The following SLX4 variants were observed in gnomAD, a reference collection of about 807,000 sequenced individuals.
SLX4 encodes structure-specific endonuclease subunit SLX4.
SLX4 carries 112 observed loss-of-function variants against 146.2 expected under a neutral mutation model. The ratio of observed to expected loss-of-function variants is 0.77; its 90% CI spans 0.66 to 0.90. SLX4 has a LOEUF of 0.90. Ranked by LOEUF, SLX4 falls within the 40% of genes least tolerant of loss-of-function variation. SLX4 has a pLI of 0.00. For missense variants in SLX4, 2,563 were observed against 2,392.7 expected (o/e 1.07, Z -1.49); for synonymous variants, 1,061 against 997.7 (o/e 1.06, Z -1.20).
At chr16:3,598,541 A>G (rs1000613717) in intron 5 of SLX4, among the ~76,000 whole-genome samples, 5 of 152,224 alleles carry the variant, frequency 3.3e-5, no homozygotes, top group African/African-American at 1.2e-4. Context: ...TTCAACGGGC[A>G]GCAGCTCGTT....
At chr16:3,596,845 C>T (rs2040665871) in intron 7 of SLX4, among the ~76,000 whole-genome samples, 1 of 146,536 alleles carries the variant, frequency 6.8e-6, no homozygotes. Context: ...TTTTTCAAGA[C>T]AGAGTCTCAC....
At chr16:3,606,437 T>G (rs1376571667) in intron 3 of SLX4, 37 bp downstream of exon 3, 1 of 1,605,262 alleles carries the variant, frequency 6.2e-7, no homozygotes, top group African/African-American at 1.3e-5. Context: ...TGTATTAACT[T>G]ATCTCTGTGT....
chr16:3,591,718 G>C (rs2040597475), intron 11 of SLX4, among the ~76,000 whole-genome samples: 2 of 152,158 alleles, frequency 1.3e-5, no homozygotes, highest in South Asian at 4.1e-4. Context: ...AAGGCCGGGA[G>C]TTTGAGATCA....
rs201826765 is a variant in SLX4 at position 3,589,636 on chromosome 16, G to A, written c.4002C>T (p.Asp1334=). The A allele has an allele frequency of 8.1e-6, 13 of 1,614,014 alleles. No individual in the cohort carries two copies. The African/African-American group carries it at 9.3e-5, about 12-fold the overall frequency. The change falls in exon 12 of 15, where the codon GAC becomes GAT. Residue 1334 remains aspartate, a synonymous_variant. Coordinates refer to ENST00000294008, the MANE Select transcript of SLX4 (RefSeq NM_032444.4). This position sits in a 1 kb window ranked among gnomAD's most constrained non-coding sequence, Gnocchi z 6.2. ...CLTPVSPGTS[D]GRRQGHRSPS... ...GGCTTCTGTGGCCTTGCCTTCTGCCGTCAGAAGTTCCTGGAGAGACGGGAG... is the reference window on the plus strand; with the variant it reads ...GGCTTCTGTGGCCTTGCCTTCTGCCATCAGAAGTTCCTGGAGAGACGGGAG...
At position 3,597,419 on chromosome 16, in the gene SLX4, G is replaced by C. The variant is rs1231729537; in HGVS notation, c.1643C>G (p.Ala548Gly). The stretch of plus-strand genomic sequence containing the variant: ...GGGCACGAGAGGAGGGACCAGCCTG[G>C]CCGTGTAGAAGTCCTCCATGGCCCA... ...GAWAMEDFYTARLVPPLVPQR... is the reference protein window; with the variant it reads ...GAWAMEDFYTGRLVPPLVPQR... Residue 548 changes from alanine to glycine, a missense_variant, in exon 7 of 15, where the codon GCC (alanine) becomes GGC (glycine). Coordinates refer to ENST00000294008, the MANE Select transcript of SLX4 (RefSeq NM_032444.4). The surrounding 1 kb of genome is among the most constrained non-coding windows in gnomAD (Gnocchi z 4.4). 1.7e-5 allele frequency: 27 copies of C among 1,603,380 alleles called. No individual in the cohort carries two copies. The highest frequency in any genetic ancestry group is 2.0e-5 in the Non-Finnish European group (24 of 1,175,028).
At chr16:3,595,376 G>A (rs2040639585) in intron 9 of SLX4, among the ~76,000 whole-genome samples, 1 of 152,220 alleles carries the variant, frequency 6.6e-6, no homozygotes, top group Non-Finnish European at 1.5e-5. Flanking sequence ...GTCACAGACA[G>A]AAAAGGCAGA....
At chr16:3,582,801 C>A in intron 14 of SLX4, 108 bp from the exon 15 acceptor site, 1 of 1,075,736 alleles carries the variant, frequency 9.3e-7, no homozygotes, top group South Asian at 1.3e-5. Flanking sequence ...TGGAGCCTGG[C>A]CTGTGGCACG....
intron 7 of SLX4, 117 bp from the exon 8 acceptor site, chr16:3,596,510 G>C (rs940836333): frequency 7.8e-7 from 1 of 1,282,872 alleles, no homozygotes; most frequent in Non-Finnish European, 1.1e-6. Flanking sequence ...CAGGATGTGG[G>C]CTGTGGGGAC....
intron 3 of SLX4, among the ~76,000 whole-genome samples, chr16:3,605,811 G>A (rs969899887): frequency 6.6e-6 from 1 of 151,804 alleles, no homozygotes; most frequent in Non-Finnish European, 1.5e-5. Context: ...GCCAGGCGTG[G>A]TGGTGGGAGC....
intron 14 of SLX4, among the ~76,000 whole-genome samples, 188 bp from the exon 15 acceptor site, chr16:3,582,881 G>C (rs2040456975): frequency 6.6e-6 from 1 of 152,212 alleles, no homozygotes; most frequent in Non-Finnish European, 1.5e-5. Context: ...GCCCCAGCCA[G>C]AAATGTCTAG....
At chr16:3,600,797 T>C (rs1289416575) in intron 5 of SLX4, 182 bp downstream of exon 5, 1 of 622,670 alleles carries the variant, frequency 1.6e-6, no homozygotes, top group African/African-American at 1.8e-5. Context: ...GATTGTACCA[T>C]GTCGGCCAGG....
Position 3,590,583 on chromosome 16 carries a change from A to G in SLX4, c.3055T>C (p.Ser1019Pro). 1 of 1,612,880 alleles carries G rather than the reference A, an allele frequency of 6.2e-7. No individual in the cohort carries two copies. The highest frequency in any genetic ancestry group is 1.1e-5 in the South Asian group (1 of 91,074). Residue 1019 changes from serine to proline, a missense_variant, in exon 12 of 15, where the codon TCT becomes CCT. Ser to Pro is a moderately conservative substitution (Grantham distance 74). Coordinates refer to ENST00000294008, the MANE Select transcript of SLX4 (RefSeq NM_032444.4). The surrounding 1 kb of genome is among the most constrained non-coding windows in gnomAD (Gnocchi z 4.8). ...GAVRERGLEV[S>P]HRLAPWQASP... The stretch of plus-strand genomic sequence containing the variant: ...GCCTGCCAGGGAGCCAGGCGATGAG[A>G]AACCTCCAGCCCCCTTTCCCTGACA...
chr16:3,603,192 T>A (rs548389625), intron 3 of SLX4, among the ~76,000 whole-genome samples: 9 of 152,284 alleles, frequency 5.9e-5, no homozygotes, highest in Admixed American at 5.2e-4. Context: ...TAGCTGGGAT[T>A]ACAGGTGCCC....
chr16:3,589,892 CT>C lies in SLX4; in HGVS notation c.3745del (p.Ser1249AlafsTer39), dbSNP rs776294939. ...CDRESSPSEA[S>X]TTDTSWLVPA... ...CACCAGCCACGAGGTGTCTGTGGTG[CT>C]GGCCTCGCTGGGGCTGCTCTCACGG... On this transcript the variant is annotated frameshift_variant, in exon 12 of 15. Transcript: ENST00000294008. LOFTEE classifies it high-confidence loss of function. The surrounding 1 kb of genome is among the most constrained non-coding windows in gnomAD (Gnocchi z 6.2). 6.2e-7 allele frequency: 1 copy of C among 1,613,820 alleles called. No homozygotes were observed. Among genetic ancestry groups the C allele is most frequent in the Non-Finnish European group, 8.5e-7 (1 of 1,179,996 alleles).
intron 14 of SLX4, 126 bp from the exon 15 acceptor site, chr16:3,582,819 G>T: frequency 1.0e-6 from 1 of 962,792 alleles, no homozygotes; most frequent in Non-Finnish European, 1.6e-6. Flanking sequence ...ACGATCCCCA[G>T]CAAGGCAGGA....
chr16:3,589,206 TG>T lies in SLX4; in HGVS notation c.4431del (p.Ile1478SerfsTer29), dbSNP rs2040544014. 6.2e-7 allele frequency: 1 copy of T among 1,613,748 alleles called. No individual in the cohort carries two copies. The highest frequency in any genetic ancestry group is 8.5e-7 in the Non-Finnish European group (1 of 1,179,772). On this transcript the variant is annotated frameshift_variant, in exon 12 of 15. Transcript: ENST00000294008. LOFTEE classifies it high-confidence loss of function. The surrounding 1 kb of genome is among the most constrained non-coding windows in gnomAD (Gnocchi z 6.2). Reference sequence around the variant, plus strand: ...CTCTGGGTAGTGCAGCTTCCTCGGATGGGGGTGGTGTCCAGGAGTCCCGGGG... The same window carrying T: ...CTCTGGGTAGTGCAGCTTCCTCGGATGGGGTGGTGTCCAGGAGTCCCGGGG... ...CRSPGLLDTTPIRGSCTTQRK... is the reference protein window; with the variant it reads ...CRSPGLLDTTXIRGSCTTQRK...
In SLX4 at chr16:3,590,384, TC is replaced by T; in HGVS notation, c.3253del (p.Asp1085ThrfsTer31). 6.2e-7 allele frequency: 1 copy of T among 1,614,208 alleles called. No homozygotes were observed. The highest frequency in any genetic ancestry group is 8.5e-7 in the Non-Finnish European group (1 of 1,180,038). On this transcript the variant is annotated frameshift_variant, in exon 12 of 15. Coordinates refer to ENST00000294008, the MANE Select transcript of SLX4 (RefSeq NM_032444.4). LOFTEE classifies it high-confidence loss of function. The surrounding 1 kb of genome is among the most constrained non-coding windows in gnomAD (Gnocchi z 4.8). ...TTTAGACAGCGTGAGGATGCTCCTG[TC>T]CCTTTTCTGCTTTGATGGCACAGCT... is the stretch of plus-strand genomic sequence containing the variant. ...SPAVPSKQKR[D>X]RSILTLSKEP...
chr16:3,607,662 G>A (rs1203166177), intron 2 of SLX4, among the ~76,000 whole-genome samples: 1 of 152,108 alleles, frequency 6.6e-6, no homozygotes, highest in Admixed American at 6.6e-5. Context: ...TCCAGCCTGG[G>A]TGAGAGACCA....
chr16:3,587,343 A>T lies in SLX4; in HGVS notation c.4636+1659T>A, dbSNP rs150633749. On this transcript the variant is annotated intron_variant, in intron 12 of 14. Transcript: ENST00000294008. ...GAAACCCGACTCTACTAAAAATACA[A>T]AAATTAGCTGGGCGTGGTGCTGGGT... is the stretch of plus-strand genomic sequence containing the variant. Among the ~76,000 whole-genome samples, 612 of 152,214 alleles carry T rather than the reference A, an allele frequency of 4.0e-3. 6 individuals are homozygous for T. Among genetic ancestry groups the T allele is most frequent in the African/African-American group, 0.014 (585 of 41,520 alleles).
Sources: gnomAD v4.1 joint callset for allele counts (sites outside exome capture counted in the v4.1 genomes callset) on GRCh38, gnomAD v4.1.1 for gene constraint, Gnocchi (gnomAD v3.1) non-coding constraint, MANE v1.5 for transcripts, NCBI Gene and HGNC (gene_info 2026-07-23, HGNC 2026-07-21) for gene names.